The following CNBD1 variants were observed in gnomAD, a reference collection of about 807,000 sequenced individuals.
CNBD1 encodes cyclic nucleotide-binding domain-containing protein 1.
In CNBD1, 71 loss-of-function variants were observed where a neutral mutation model predicts 54.4. The ratio of observed to expected loss-of-function variants is 1.30; its 90% CI spans 1.08 to 1.59. The LOEUF is 1.59. CNBD1 is among the 40% of genes most tolerant of loss of function. The pLI is 0.00. For missense variants in CNBD1, 659 were observed against 518.0 expected, an observed-to-expected ratio of 1.27 and a Z score of -2.64; for synonymous variants, 182 against 170.7, an observed-to-expected ratio of 1.07 and a Z score of -0.51.
chr8:87,199,833 T>C (rs1241610275), intron 4 of CNBD1, among the ~76,000 whole-genome samples: 1 of 152,196 alleles, frequency 6.6e-6, no homozygotes, highest in African/African-American at 2.4e-5. Context: ...TATACCTGTA[T>C]TGTTTTATTT....
intron 8 of CNBD1, among the ~76,000 whole-genome samples, chr8:87,317,292 A>G (rs1027084979): frequency 2.7e-5 from 4 of 149,908 alleles, no homozygotes; most frequent in Admixed American, 6.6e-5. Flanking sequence ...TTGATTTGAG[A>G]CTTTTTTTTT....
intron 2 of CNBD1, among the ~76,000 whole-genome samples, chr8:87,407,009 T>A (rs1807663666): frequency 2.1e-5 from 3 of 144,710 alleles, no homozygotes; most frequent in Non-Finnish European, 4.4e-5. Context: ...CATAATGAAC[T>A]TTTTTTTTAC....
chr8:87,312,247 A>C (rs1268064420), intron 8 of CNBD1, among the ~76,000 whole-genome samples: 2 of 152,136 alleles, frequency 1.3e-5, no homozygotes, highest in Admixed American at 1.3e-4. Context: ...TATTTTTAAC[A>C]AAATGATTCC....
chr8:86,941,933 C>G lies in CNBD1; in HGVS notation c.431+2179C>G, dbSNP rs58294215. Among the ~76,000 whole-genome samples the G allele has an allele frequency of 2.9e-3, 445 of 152,260 alleles. 2 individuals are homozygous for G. The highest frequency in any genetic ancestry group is 0.01 in the African/African-American group (422 of 41,542). ...AGAAAATGGATGAGTAGAGAAGATC[C>G]TGATGTACTATACGTCCCCCCTTTC... On this transcript the variant is annotated intron_variant, in intron 4 of 10. Transcript: ENST00000518476.
intron 3 of CNBD1, among the ~76,000 whole-genome samples, chr8:86,933,558 A>G (rs1280900474): frequency 3.9e-5 from 6 of 152,174 alleles, no homozygotes; most frequent in Admixed American, 3.9e-4. Context: ...GAATACATAT[A>G]TCTTTGATAA....
chr8:87,344,894 T>A (rs1810138990), intron 8 of CNBD1, among the ~76,000 whole-genome samples: 1 of 152,142 alleles, frequency 6.6e-6, no homozygotes, highest in Non-Finnish European at 1.5e-5. Context: ...AACTAATCAG[T>A]GTATAATATT....
chr8:87,349,629 C>A (rs1156623885), intron 8 of CNBD1, among the ~76,000 whole-genome samples: 1 of 152,208 alleles, frequency 6.6e-6, no homozygotes, highest in East Asian at 1.9e-4. Context: ...CCCGCCTCGG[C>A]CTCCCAAAGT....
intron 2 of CNBD1, among the ~76,000 whole-genome samples, chr8:87,395,082 TA>T (rs1811385354): frequency 6.6e-6 from 1 of 151,910 alleles, no homozygotes; most frequent in Non-Finnish European, 1.5e-5. Flanking sequence ...TACAATAACA[TA>T]AAGTTAAATG....
At chr8:87,036,490 A>G (rs1427600705) in intron 4 of CNBD1, among the ~76,000 whole-genome samples, 1 of 150,390 alleles carries the variant, frequency 6.6e-6, no homozygotes, top group Non-Finnish European at 1.5e-5. Flanking sequence ...GCTGCTTGGG[A>G]AGCTGAGGCA....
intron 4 of CNBD1, among the ~76,000 whole-genome samples, chr8:87,110,412 C>T (rs1006426778): frequency 6.6e-6 from 1 of 152,150 alleles, no homozygotes; most frequent in Non-Finnish European, 1.5e-5. Context: ...TGACCTTCTG[C>T]ATCACCTAAT....
intron 10 of CNBD1, among the ~76,000 whole-genome samples, chr8:87,366,447 G>C (rs1287338579): frequency 6.6e-6 from 1 of 152,030 alleles, no homozygotes; most frequent in Non-Finnish European, 1.5e-5. Context: ...TCCTTCTGCT[G>C]ACCCTCTCTC....
Position 87,421,976 on chromosome 8 carries a change from A to G in CNBD1, c.214-6570A>G, listed in dbSNP as rs202078099. Among the ~76,000 whole-genome samples the G allele has an allele frequency of 5.7e-3, 844 of 147,844 alleles. 3 individuals carry two copies. Among genetic ancestry groups the G allele is most frequent in the African/African-American group, 0.02 (752 of 37,956 alleles). On this transcript the variant is annotated intron_variant, in intron 2 of 7. Coordinates refer to the CNBD1 transcript ENST00000521593. ...TTTAATGATCGCCATTCTAACTGGT[A>G]TGAGATGGTATCTCATTGTGGTTTT...
intron 6 of CNBD1, among the ~76,000 whole-genome samples, chr8:87,239,495 T>G (rs954811599): frequency 3.9e-5 from 6 of 152,144 alleles, no homozygotes; most frequent in African/African-American, 7.2e-5. Flanking sequence ...TCTTTCTCCC[T>G]TTTTTGGCTT....
chr8:87,047,961 A>G (rs1021899954), intron 4 of CNBD1, among the ~76,000 whole-genome samples: 4 of 152,170 alleles, frequency 2.6e-5, no homozygotes, highest in African/African-American at 9.6e-5. Flanking sequence ...TTTCAGTGTA[A>G]GGTGCCTGAC....
At chr8:87,069,784 A>C (rs1586234982) in intron 4 of CNBD1, among the ~76,000 whole-genome samples, 1 of 152,156 alleles carries the variant, frequency 6.6e-6, no homozygotes, top group African/African-American at 2.4e-5. Flanking sequence ...GTTATGGATA[A>C]ATTTCATATG....
intron 8 of CNBD1, among the ~76,000 whole-genome samples, chr8:87,307,118 A>T (rs180985377): frequency 1.3e-5 from 2 of 152,190 alleles, no homozygotes; most frequent in Non-Finnish European, 2.9e-5. Context: ...CAATGTTTAG[A>T]TCTTTCTAAC....
At chr8:86,951,086 A>T (rs1422133736) in intron 4 of CNBD1, among the ~76,000 whole-genome samples, 1 of 152,176 alleles carries the variant, frequency 6.6e-6, no homozygotes. Context: ...TCACAAATTT[A>T]ATAACTTTAC....
chr8:87,059,876 C>G (rs1177406488), intron 4 of CNBD1, among the ~76,000 whole-genome samples: 1 of 152,206 alleles, frequency 6.6e-6, no homozygotes, highest in African/African-American at 2.4e-5. Flanking sequence ...CTGGCTCAGT[C>G]AAGGGAAGGT....
chr8:87,089,380 A>C (rs377509051), intron 4 of CNBD1, among the ~76,000 whole-genome samples: 1 of 152,236 alleles, frequency 6.6e-6, no homozygotes, highest in East Asian at 1.9e-4. Flanking sequence ...CATAGAAAAA[A>C]ATCTAATGAT....
Sources: gnomAD v4.1 joint callset for allele counts (sites outside exome capture counted in the v4.1 genomes callset) on GRCh38, gnomAD v4.1.1 for gene constraint, MANE v1.5 for transcripts, NCBI Gene and HGNC (gene_info 2026-07-23, HGNC 2026-07-21) for gene names.